The following PALM variants were observed in gnomAD, a reference collection of about 807,000 sequenced individuals.
PALM encodes paralemmin-1.
A neutral mutation model predicts 30.7 loss-of-function variants in PALM; 18 were observed. That is an observed-to-expected ratio of 0.59 (90% CI 0.41 to 0.87). PALM has a LOEUF of 0.87. Among genes scored for constraint, PALM ranks in the 40% least tolerant of loss-of-function variants. PALM has a pLI of 0.00. For missense variants in PALM, 529 were observed against 555.4 expected (o/e 0.95, Z 0.48); for synonymous variants, 286 against 242.8 (o/e 1.18, Z -1.66).
At chr19:743,409 C>T (rs138956728) in intron 8 of PALM, among the ~76,000 whole-genome samples, 24 of 152,288 alleles carry the variant, frequency 1.6e-4, no homozygotes, top group African/African-American at 5.8e-4. Flanking sequence ...CCATGGCAGC[C>T]GAGGGCTCCA....
chr19:729,913 C>T (rs1296164901), intron 4 of PALM, among the ~76,000 whole-genome samples: 2 of 152,192 alleles, frequency 1.3e-5, no homozygotes, highest in Non-Finnish European at 2.9e-5. Flanking sequence ...GTGGGAGTTA[C>T]TGGCCGTGGG....
At chr19:717,602 A>G (rs1370021973) in intron 1 of PALM, among the ~76,000 whole-genome samples, 8 of 152,104 alleles carry the variant, frequency 5.3e-5, no homozygotes, top group African/African-American at 1.9e-4. Flanking sequence ...ACCCCCCGAG[A>G]TGGTTGGAGC....
chr19:740,415 C>A lies in PALM; in HGVS notation c.566C>A (p.Ser189Tyr). ...DKVTGETRVL[S>Y]STTLLPRQPL... ...GTGACAGGGGAGACCAGGGTGCTGT[C>A]CAGCACCACGCTGCTCCCTCGGCAG... The change falls in exon 8 of 9, where the codon TCC becomes TAC. Residue 189 changes from serine (S) to tyrosine (Y), a missense_variant. Coordinates refer to ENST00000338448, the MANE Select transcript of PALM (RefSeq NM_002579.3). 2 of 1,554,908 alleles carry A rather than the reference C, an allele frequency of 1.3e-6. No individual in the cohort carries two copies. Among genetic ancestry groups the A allele is most frequent in the Middle Eastern group, 1.7e-4 (1 of 5,998 alleles).
intron 8 of PALM, among the ~76,000 whole-genome samples, chr19:741,426 ACGGGC>A (rs1568233375): frequency 4.2e-5 from 5 of 119,944 alleles, no homozygotes; most frequent in Admixed American, 1.7e-4. Flanking sequence ...GTGAGGGGAG[ACGGGC>A]TGCAGGGGTG....
At chr19:718,603 A>C (rs1599138604) in intron 1 of PALM, among the ~76,000 whole-genome samples, 1 of 150,544 alleles carries the variant, frequency 6.6e-6, no homozygotes, top group South Asian at 2.1e-4. Flanking sequence ...GCCTGCTTTG[A>C]CCTCCGTCTT....
chr19:727,225 C>CA (rs1235073493), intron 3 of PALM, 137 bp downstream of exon 3: 12 of 539,720 alleles, frequency 2.2e-5, no homozygotes, highest in African/African-American at 5.2e-5. Flanking sequence ...ACCCTGACCC[C>CA]GACCCTGACC....
Position 721,942 on chromosome 19 carries a change from G to A in PALM, c.6-4196G>A, listed in dbSNP as rs544350715. Among the ~76,000 whole-genome samples the A allele has an allele frequency of 6.2e-3, 938 of 150,592 alleles. 5 individuals carry two copies. The highest frequency in any genetic ancestry group is 0.011 in the Non-Finnish European group (750 of 67,726). ...TTTTTTAATATATATTTTTTGAGAC[G>A]GAGTCTCGCTCTGTCGCCCAGGCTG... On this transcript the variant is annotated intron_variant, in intron 1 of 8. Coordinates refer to ENST00000338448, the MANE Select transcript of PALM (RefSeq NM_002579.3).
At chr19:733,964 C>T (rs753944170) in intron 5 of PALM, among the ~76,000 whole-genome samples, 1 of 152,088 alleles carries the variant, frequency 6.6e-6, no homozygotes, top group African/African-American at 2.4e-5. Flanking sequence ...CCGGCCTGGG[C>T]GACAAGAGCG....
chr19:726,930 G>A lies in PALM; in HGVS notation c.58-78G>A, dbSNP rs917233942. 23 of 919,296 alleles carry A rather than the reference G, an allele frequency of 2.5e-5. No homozygotes were observed. In the East Asian group the frequency reaches 4.0e-4, roughly 16 times the overall value. The allele number at this position is 919,296 out of a possible 1,614,324, so 56.9% of individuals were successfully genotyped here. On this transcript the variant is annotated intron_variant, in intron 2 of 8. Coordinates refer to ENST00000338448, the MANE Select transcript of PALM (RefSeq NM_002579.3). Reference sequence around the variant, plus strand: ...GGACAGAGGAAGCAGGATCGGGCTGGGCAGAGCCTTGTGTGGGGGTGGGGG... The same window carrying A: ...GGACAGAGGAAGCAGGATCGGGCTGAGCAGAGCCTTGTGTGGGGGTGGGGG...
intron 1 of PALM, among the ~76,000 whole-genome samples, chr19:715,508 G>C (rs1253644940): frequency 6.6e-6 from 1 of 152,200 alleles, no homozygotes; most frequent in African/African-American, 2.4e-5. Context: ...GGATGTTTCA[G>C]GGTTCATCCA....
chr19:726,957 G>GGGGGT, intron 2 of PALM, 51 bp from the exon 3 acceptor site: 1 of 1,109,144 alleles, frequency 9.0e-7, no homozygotes. Flanking sequence ...GGGTGGGGGG[G>GGGGGT]TCTCCGGGAC....
rs2144940348 is a variant in PALM at position 746,982 on chromosome 19, C to T, written c.*168C>T. On this transcript the variant is annotated 3_prime_UTR_variant, in exon 9 of 9. Coordinates refer to ENST00000338448, the MANE Select transcript of PALM (RefSeq NM_002579.3). This position sits in a 1 kb window ranked among gnomAD's most constrained non-coding sequence, Gnocchi z 7.1. ...TCGCTGGAAAGAGGGACAGGGGCCC[C>T]CACCCGTCACCACGCCCCAACACTC... The T allele has an allele frequency of 5.0e-6, 3 of 598,392 alleles. No homozygotes were observed. Among genetic ancestry groups the T allele is most frequent in the African/African-American group, 3.7e-5 (2 of 53,844 alleles). The allele number at this position is 598,392 out of a possible 1,614,324, so 37.1% of individuals were successfully genotyped here.
chr19:746,193 C>A lies in PALM; in HGVS notation c.635-92C>A. 2.1e-6 allele frequency: 2 copies of A among 949,206 alleles called. No homozygotes were observed. Among genetic ancestry groups the A allele is most frequent in the Non-Finnish European group, 3.3e-6 (2 of 610,452 alleles). The allele number at this position is 949,206 out of a possible 1,614,324, so 58.8% of individuals were successfully genotyped here. On this transcript the variant is annotated intron_variant, in intron 8 of 8. Transcript: ENST00000338448. The surrounding 1 kb of genome is among the most constrained non-coding windows in gnomAD (Gnocchi z 7.1). ...CTTTAGCCTGGAGGAGGATACAAGC[C>A]TTGCCAAGGTTTCCCTCCTGCCTGA...
chr19:723,676 C>T (rs1229868098), intron 1 of PALM, among the ~76,000 whole-genome samples: 7 of 152,080 alleles, frequency 4.6e-5, no homozygotes, highest in Non-Finnish European at 7.4e-5. Flanking sequence ...CTGCAACCTC[C>T]GCCTCCTGGG....
chr19:736,126 G>A (rs1367457010), intron 7 of PALM, 48 bp downstream of exon 7: 4 of 1,142,878 alleles, frequency 3.5e-6, no homozygotes, highest in African/African-American at 1.5e-5. Flanking sequence ...CGCTGTCAGG[G>A]ACCAAGTCTC....
At chr19:729,458 CT>C (rs34688325) in intron 4 of PALM, among the ~76,000 whole-genome samples, 9,072 of 72,690 alleles carry the variant, frequency 0.12, 178 homozygotes, top group Admixed American at 0.17. Flanking sequence ...CACGGTGCGT[CT>C]TTTTTTTTTT....
In PALM at chr19:746,829, C is replaced by T. The variant is rs1344260156; in HGVS notation, c.*15C>T. 1.4e-6 allele frequency: 2 copies of T among 1,464,442 alleles called. No individual in the cohort carries two copies. The highest frequency in any genetic ancestry group is 2.5e-5 in the East Asian group (1 of 40,404). The allele number at this position is 1,464,442 out of a possible 1,614,324, so 90.7% of individuals were successfully genotyped here. On this transcript the variant is annotated 3_prime_UTR_variant, in exon 9 of 9. Coordinates refer to ENST00000338448, the MANE Select transcript of PALM (RefSeq NM_002579.3). The surrounding 1 kb of genome is among the most constrained non-coding windows in gnomAD (Gnocchi z 7.1). ...CCATCATGTGAGCCGGCCCCCGAGA[C>T]CCCGGCCCCCACCCCACACCACAGA...
chr19:716,954 CAG>C (rs2032283621), intron 1 of PALM, among the ~76,000 whole-genome samples: 1 of 150,626 alleles, frequency 6.6e-6, no homozygotes, highest in Non-Finnish European at 1.5e-5. Flanking sequence ...TTTTTTGAGA[CAG>C]AGTCTCTCTG....
chr19:719,162 G>A, intron 1 of PALM: 1 of 985,338 alleles, frequency 1.0e-6, no homozygotes, highest in Non-Finnish European at 1.2e-6. Context: ...CTGCCCGGGC[G>A]TGGGTTCTGG....
Sources: allele counts gnomAD v4.1 joint callset (sites outside exome capture counted in the v4.1 genomes callset), GRCh38; gene constraint gnomAD v4.1.1; non-coding constraint Gnocchi (gnomAD v3.1); transcripts MANE v1.5; gene names NCBI Gene and HGNC (gene_info 2026-07-23, HGNC 2026-07-21).